TRIM66: variants seen among roughly 807,000 people sequenced by gnomAD.
The protein encoded by TRIM66 is tripartite motif-containing protein 66.
In TRIM66, 99 loss-of-function variants were observed where a neutral mutation model predicts 148.2. The observed-to-expected ratio is 0.67, with a 90% CI of 0.57 to 0.79. The LOEUF is 0.79. TRIM66 is among the 30% of genes least tolerant of loss of function. The pLI is 0.00. For synonymous variants in TRIM66, 616 were observed against 635.9 expected, an observed-to-expected ratio of 0.97 and a Z score of 0.47; for missense variants, 1,666 against 1,697.9, an observed-to-expected ratio of 0.98 and a Z score of 0.33.
chr11:8,651,761 T>C (rs1463295275), intron 7 of TRIM66, 39 bp downstream of exon 7: 1 of 1,507,938 alleles, frequency 6.6e-7, no homozygotes. Flanking sequence ...CACAGATTTC[T>C]GAAAAAGATC....
At chr11:8,622,701 T>C (rs1164234037) in intron 18 of TRIM66, 115 bp downstream of exon 18, 6 of 958,852 alleles carry the variant, frequency 6.3e-6, no homozygotes, top group East Asian at 2.6e-5. Flanking sequence ...AGGAAGGCAG[T>C]TGCAGGCAAA....
Position 8,617,557 on chromosome 11 carries a change from A to T in TRIM66, c.*387T>A, listed in dbSNP as rs2033798804. 5.1e-6 allele frequency: 1 copy of T among 196,252 alleles called. No individual in the cohort carries two copies. The highest frequency in any genetic ancestry group is 1.0e-5 in the Non-Finnish European group (1 of 95,932). The allele number at this position is 196,252 out of a possible 1,614,324, so 12.2% of individuals were successfully genotyped here. ...TTTACCCACTTCTGAGCCCAGGAGG[A>T]GTTCAGATGTATACATGGCTCCTGA... On this transcript the variant is annotated 3_prime_UTR_variant, in exon 25 of 25. Transcript: ENST00000646038.
intron 7 of TRIM66, 65 bp downstream of exon 7, chr11:8,651,734 CT>C: frequency 7.9e-7 from 1 of 1,266,648 alleles, no homozygotes; most frequent in South Asian, 1.3e-5. Flanking sequence ...GGATAGAAGA[CT>C]TATGGACAGG....
intron 6 of TRIM66, among the ~76,000 whole-genome samples, chr11:8,653,823 T>C (rs1444853674): frequency 2.0e-5 from 3 of 151,906 alleles, no homozygotes; most frequent in Non-Finnish European, 4.4e-5. Flanking sequence ...AGAAAAACTT[T>C]CTGAGTTTTT....
chr11:8,675,380 T>C (rs1236311665), intron 3 of TRIM66, among the ~76,000 whole-genome samples: 2 of 152,236 alleles, frequency 1.3e-5, no homozygotes, highest in Admixed American at 6.5e-5. Context: ...CCACAGTTTG[T>C]CTGCCAGTTA....
chr11:8,623,953 G>C (rs2034555983), intron 17 of TRIM66, among the ~76,000 whole-genome samples: 1 of 152,174 alleles, frequency 6.6e-6, no homozygotes, highest in African/African-American at 2.4e-5. Context: ...GGGAGGTTAG[G>C]TATCTTACCC....
At chr11:8,646,387 C>T (rs778069347) in intron 11 of TRIM66, 60 bp downstream of exon 11, 1 of 1,397,426 alleles carries the variant, frequency 7.2e-7, no homozygotes, top group Admixed American at 2.0e-5. Flanking sequence ...GGTCCTGGGA[C>T]TAGCTTGATA....
chr11:8,654,756 A>C (rs1285618052), intron 6 of TRIM66, among the ~76,000 whole-genome samples: 1 of 152,244 alleles, frequency 6.6e-6, no homozygotes, highest in African/African-American at 2.4e-5. Flanking sequence ...TAACAAAAGG[A>C]TGTTTACTTA....
rs1159058699 is a variant in TRIM66, at chr11:8,616,329, C to T, written c.*1615G>A. On this transcript the variant is annotated 3_prime_UTR_variant, in exon 25 of 25. Transcript: ENST00000646038. ...GAAGAAATGTTTTCTAATTAAAAAA[C>T]TGCTCATTAGCAAAGGCCCTACAAA... The T allele has an allele frequency of 3.3e-5, 5 of 152,340 alleles. No homozygotes were observed. In the East Asian group the frequency reaches 7.7e-4, roughly 23 times the overall value. The allele number at this position is 152,340 out of a possible 1,614,324, so 9.4% of individuals were successfully genotyped here.
chr11:8,669,611 C>A (rs529443113), intron 6 of TRIM66, among the ~76,000 whole-genome samples: 155 of 151,300 alleles, frequency 1.0e-3, no homozygotes, highest in African/African-American at 3.5e-3. Context: ...CCACTGCACT[C>A]CAGCCTGGGC....
intron 4 of TRIM66, among the ~76,000 whole-genome samples, chr11:8,673,568 G>A (rs920246993): frequency 6.6e-6 from 1 of 152,182 alleles, no homozygotes; most frequent in Non-Finnish European, 1.5e-5. Flanking sequence ...GAAAGGAAGT[G>A]GGAAAACTGA....
At chr11:8,647,018 TAACATATTATATAATA>T (rs1434882603) in intron 10 of TRIM66, among the ~76,000 whole-genome samples, 11 of 149,736 alleles carry the variant, frequency 7.3e-5, no homozygotes, top group Middle Eastern at 3.3e-3. Context: ...ATTGGCATAA[TAACATATTATATAATA>T]AACATATTAT....
At chr11:8,673,850 G>A (rs1052646590) in intron 4 of TRIM66, among the ~76,000 whole-genome samples, 2 of 152,184 alleles carry the variant, frequency 1.3e-5, no homozygotes, top group Admixed American at 1.3e-4. Flanking sequence ...TCTGGGTCTT[G>A]GTAATTATGC....
intron 8 of TRIM66, among the ~76,000 whole-genome samples, chr11:8,649,499 T>C (rs772257866): frequency 2.0e-5 from 3 of 152,268 alleles, no homozygotes; most frequent in Non-Finnish European, 4.4e-5. Flanking sequence ...TCCACAATAA[T>C]TCAACACTTT....
In TRIM66 at chr11:8,640,604, G is replaced by A. The variant is rs1436553612; in HGVS notation, c.1771C>T (p.Leu591Phe). The A allele has an allele frequency of 1.3e-6, 2 of 1,551,514 alleles. No individual in the cohort carries two copies. The highest frequency in any genetic ancestry group is 2.4e-5 in the South Asian group (2 of 84,066). ...TGTGGCTGCTGCTGAAAGTGACTGA[G>A]CTTCAGCTTCTGGTGGTGGCCAAAC... ...VQFGHHQKLK[L>F]SHFQQQPQQQ... Residue 591 changes from leucine to phenylalanine, a missense_variant, in exon 14 of 25, where the codon CTC (leucine) becomes TTC (phenylalanine). Physicochemically the swap from Leu to Phe is conservative, Grantham distance 22 (BLOSUM62 0). Around this residue, in one of 3 missense-constraint regions of TRIM66, gnomAD observed 1,431 missense variants for 1,412.4 expected, o/e 1.01. Coordinates refer to ENST00000646038, the MANE Select transcript of TRIM66 (RefSeq NM_001388022.1).
intron 17 of TRIM66, among the ~76,000 whole-genome samples, chr11:8,623,425 C>T (rs563083135): frequency 4.3e-4 from 66 of 152,302 alleles, no homozygotes; most frequent in Admixed American, 7.2e-4. Flanking sequence ...AGGCACTGTA[C>T]ATGCGCAAGC....
intron 3 of TRIM66, among the ~76,000 whole-genome samples, chr11:8,676,766 C>T (rs1319853252): frequency 1.3e-5 from 2 of 152,154 alleles, no homozygotes; most frequent in Admixed American, 6.5e-5. Flanking sequence ...TCTTATCTCC[C>T]CTGACCTAGA....
intron 17 of TRIM66, 103 bp from the exon 18 acceptor site, chr11:8,622,979 C>T (rs2034448647): frequency 2.0e-6 from 2 of 1,017,802 alleles, no homozygotes; most frequent in African/African-American, 3.2e-5. Flanking sequence ...TTTGGCCACA[C>T]ATCTGTCATA....
chr11:8,626,418 A>G (rs2034850783), intron 15 of TRIM66, among the ~76,000 whole-genome samples: 1 of 152,156 alleles, frequency 6.6e-6, no homozygotes, highest in South Asian at 2.1e-4. Context: ...TACTAAAGCT[A>G]TTTTGCCATG....
Sources: gnomAD v4.1 joint callset for allele counts (sites outside exome capture counted in the v4.1 genomes callset) on GRCh38, gnomAD v4.1.1 for gene constraint, gnomAD v4.1.1 regional missense constraint, MANE v1.5 for transcripts, NCBI Gene and HGNC (gene_info 2026-07-23, HGNC 2026-07-21) for gene names.